SPIRE1: variants seen among roughly 807,000 people sequenced by gnomAD.
SPIRE1 encodes the protein protein spire homolog 1.
Under a neutral mutation model 94.1 loss-of-function variants are expected in SPIRE1, and 40 were observed. The observed-to-expected ratio is 0.43, with a 90% CI of 0.33 to 0.55. The LOEUF (loss-of-function observed/expected upper bound fraction) is 0.55. SPIRE1 is among the 20% of genes least tolerant of loss of function. The pLI is 0.06. For missense variants in SPIRE1, 838 were observed against 975.2 expected (o/e 0.86, Z 1.87); for synonymous variants, 376 against 371.7 (o/e 1.01, Z -0.13).
chr18:12,500,492 G>A (rs1417069786), intron 6 of SPIRE1, among the ~76,000 whole-genome samples: 1 of 152,112 alleles, frequency 6.6e-6, no homozygotes, highest in African/African-American at 2.4e-5. Context: ...GAGAAACTGG[G>A]CCCCTCATAC....
At chr18:12,527,531 A>G (rs1265507449) in intron 4 of SPIRE1, among the ~76,000 whole-genome samples, 1 of 152,174 alleles carries the variant, frequency 6.6e-6, no homozygotes, top group African/African-American at 2.4e-5. Context: ...TTCTTCCCCC[A>G]AGTACATAAA....
chr18:12,645,231 G>C (rs560748051), intron 1 of SPIRE1, among the ~76,000 whole-genome samples: 2 of 152,238 alleles, frequency 1.3e-5, no homozygotes, highest in South Asian at 4.2e-4. Context: ...CCAGCTCTTA[G>C]TTCTCTCCAT....
chr18:12,639,146 G>A (rs1350754004), intron 1 of SPIRE1, among the ~76,000 whole-genome samples: 1 of 151,618 alleles, frequency 6.6e-6, no homozygotes, highest in African/African-American at 2.4e-5. Context: ...TTTTGAGACG[G>A]AGTCTCGCTC....
At chr18:12,650,538 G>A (rs745745878) in intron 1 of SPIRE1, among the ~76,000 whole-genome samples, 4 of 151,800 alleles carry the variant, frequency 2.6e-5, no homozygotes, top group Non-Finnish European at 4.4e-5. Flanking sequence ...GTGAAACCCC[G>A]TCTCTACTAA....
intron 3 of SPIRE1, among the ~76,000 whole-genome samples, chr18:12,542,692 T>C (rs2035045250): frequency 6.6e-6 from 1 of 152,240 alleles, no homozygotes; most frequent in Non-Finnish European, 1.5e-5. Context: ...ATTAGTGCTT[T>C]AACCTCTTCC....
chr18:12,505,304 G>C (rs893197361), intron 6 of SPIRE1, among the ~76,000 whole-genome samples: 7 of 152,116 alleles, frequency 4.6e-5, no homozygotes, highest in Non-Finnish European at 8.8e-5. Flanking sequence ...CAGCACTTTG[G>C]GAGGCGGAGG....
intron 8 of SPIRE1, among the ~76,000 whole-genome samples, chr18:12,489,858 T>A (rs1970448933): frequency 6.6e-6 from 1 of 152,224 alleles, no homozygotes; most frequent in African/African-American, 2.4e-5. Context: ...CCGGCTGTTG[T>A]TATTATGGGT....
At chr18:12,615,326 T>A (rs2037256018) in intron 2 of SPIRE1, among the ~76,000 whole-genome samples, 1 of 540 alleles carries the variant, frequency 1.9e-3, no homozygotes, top group Non-Finnish European at 3.5e-3. Flanking sequence ...AAACTCTGTC[T>A]CAAAAAAAAA....
At chr18:12,538,559 T>C (rs377485582) in intron 3 of SPIRE1, among the ~76,000 whole-genome samples, 95 of 152,292 alleles carry the variant, frequency 6.2e-4, no homozygotes, top group African/African-American at 2.1e-3. Context: ...ATGCCACCTA[T>C]AGGCTGGTAA....
chr18:12,610,867 C>A (rs2037120307), intron 2 of SPIRE1, among the ~76,000 whole-genome samples: 1 of 152,136 alleles, frequency 6.6e-6, no homozygotes, highest in Non-Finnish European at 1.5e-5. Flanking sequence ...AGAACATCCA[C>A]AAACCTCCCA....
intron 10 of SPIRE1, among the ~76,000 whole-genome samples, chr18:12,472,042 C>T (rs1463086388): frequency 6.6e-6 from 1 of 152,126 alleles, no homozygotes; most frequent in African/African-American, 2.4e-5. Context: ...ACCTTGGCCT[C>T]CCAAAGTGCT....
chr18:12,537,012 T>G (rs2144212784), intron 3 of SPIRE1, among the ~76,000 whole-genome samples: 1 of 152,344 alleles, frequency 6.6e-6, no homozygotes, highest in East Asian at 1.9e-4. Flanking sequence ...TAATGTGGCT[T>G]TCTGTTTTCA....
At chr18:12,599,234 T>G (rs1329200860) in intron 2 of SPIRE1, among the ~76,000 whole-genome samples, 1 of 152,296 alleles carries the variant, frequency 6.6e-6, no homozygotes, top group East Asian at 1.9e-4. Flanking sequence ...GCTCATCCAT[T>G]GCATTTGTTG....
At position 12,569,931 on chromosome 18, in the gene SPIRE1, G is replaced by A. The variant is rs569408102; in HGVS notation, c.373-23027C>T. Among the ~76,000 whole-genome samples, 242 of 152,320 alleles carry A rather than the reference G, an allele frequency of 1.6e-3. 1 individual carries two copies. The highest frequency in any genetic ancestry group is 5.5e-3 in the African/African-American group (228 of 41,570). On this transcript the variant is annotated intron_variant, in intron 2 of 16. Coordinates refer to ENST00000409402, the MANE Select transcript of SPIRE1 (RefSeq NM_001128626.2). Reference sequence around the variant, plus strand: ...TTCTAAAATTTAAGGCTACTACAATGTCATATCTACTTGTTTATCCTGTGT... The same window carrying A: ...TTCTAAAATTTAAGGCTACTACAATATCATATCTACTTGTTTATCCTGTGT...
At chr18:12,656,800 T>A in intron 1 of SPIRE1, 1 of 411,546 alleles carries the variant, frequency 2.4e-6, no homozygotes, top group Non-Finnish European at 3.3e-6. Context: ...ATGACGTAAC[T>A]AAGGCCCATT....
chr18:12,627,093 C>CT (rs1567976986), intron 2 of SPIRE1, among the ~76,000 whole-genome samples: 1 of 151,708 alleles, frequency 6.6e-6, no homozygotes, highest in African/African-American at 2.4e-5. Flanking sequence ...TGTTATTATA[C>CT]TTTAAGTTCT....
intron 1 of SPIRE1, among the ~76,000 whole-genome samples, chr18:12,645,509 T>C (rs2038200202): frequency 6.6e-6 from 1 of 152,130 alleles, no homozygotes; most frequent in Non-Finnish European, 1.5e-5. Context: ...TACCATGTCC[T>C]ATTTCCTAAA....
intron 4 of SPIRE1, 28 bp downstream of exon 4, chr18:12,535,448 C>CA: frequency 6.3e-7 from 1 of 1,587,378 alleles, no homozygotes; most frequent in South Asian, 1.1e-5. Flanking sequence ...CAAACAATGC[C>CA]AATAAATATC....
intron 16 of SPIRE1, chr18:12,450,843 T>C: frequency 1.4e-6 from 1 of 736,000 alleles, no homozygotes; most frequent in Non-Finnish European, 2.5e-6. Flanking sequence ...CGGAATAACT[T>C]AAATGACAGT....
Sources: gnomAD v4.1 joint callset for allele counts (sites outside exome capture counted in the v4.1 genomes callset) on GRCh38, gnomAD v4.1.1 for gene constraint, MANE v1.5 for transcripts, NCBI Gene and HGNC (gene_info 2026-07-23, HGNC 2026-07-21) for gene names.